Variants in ZPBP2 observed in about 807,000 individuals in gnomAD.
ZPBP2 encodes zona pellucida binding protein 2.
In ZPBP2, 34 loss-of-function variants were observed where a neutral mutation model predicts 37.5. The observed-to-expected ratio is 0.91, with a 90% CI of 0.69 to 1.21. The LOEUF is 1.21. Among genes scored for constraint, ZPBP2 ranks in the 50% most tolerant of loss-of-function variants. The pLI is 0.00. For synonymous variants in ZPBP2, 143 were observed against 138.4 expected (o/e 1.03, Z -0.23); for missense variants, 397 against 413.5 (o/e 0.96, Z 0.35).
intron 2 of ZPBP2, among the ~76,000 whole-genome samples, 173 bp downstream of exon 2, chr17:39,868,787 T>C (rs1299542170): frequency 6.6e-6 from 1 of 152,130 alleles, no homozygotes. Flanking sequence ...CTTACAGCGA[T>C]CCCTATTGTG....
chr17:39,876,890 A>G lies in ZPBP2; in HGVS notation c.*81A>G. 6.4e-7 allele frequency: 1 copy of G among 1,553,526 alleles called. No individual in the cohort carries two copies. Among genetic ancestry groups the G allele is most frequent in the Non-Finnish European group, 8.8e-7 (1 of 1,137,846 alleles). The stretch of plus-strand genomic sequence containing the variant: ...ATCCCAGAGCATCATAGATAGTTCC[A>G]TTAAGTAAAATCAGTAAGACCAAAC... On this transcript the variant is annotated 3_prime_UTR_variant, in exon 8 of 8. Transcript: ENST00000348931.
In ZPBP2 at chr17:39,875,336, A is replaced by G; in HGVS notation, c.791A>G (p.His264Arg). The G allele has an allele frequency of 6.2e-7, 1 of 1,614,054 alleles. No homozygotes were observed. The highest frequency in any genetic ancestry group is 8.5e-7 in the Non-Finnish European group (1 of 1,179,972). ...TTTAATAAAACTCTACCAGCAATGC[A>G]TTTTGTGGACCACAGTTTGCAAGTA... is the stretch of plus-strand genomic sequence containing the variant. ...HNFNKTLPAM[H>R]FVDHSLQVVR... The change falls in exon 7 of 8, where the codon CAT (histidine) becomes CGT (arginine). Residue 264 changes from histidine (H) to arginine (R), a missense_variant. By Grantham distance (29) the His-to-Arg change is conservative. Transcript: ENST00000348931.
At chr17:39,875,220 A>T in intron 6 of ZPBP2, 34 bp from the exon 7 acceptor site, 1 of 1,589,826 alleles carries the variant, frequency 6.3e-7, no homozygotes, top group Non-Finnish European at 8.6e-7. Context: ...ATGGTTTAGT[A>T]ATTGTACCTT....
chr17:39,870,796 G>A lies in ZPBP2; in HGVS notation c.221G>A (p.Gly74Glu). 1 of 1,550,356 alleles carries A rather than the reference G, an allele frequency of 6.5e-7. No homozygotes were observed. The highest frequency in any genetic ancestry group is 8.8e-7 in the Non-Finnish European group (1 of 1,141,436). ...GTGGACCCCACCTACTTATGGATTG[G>A]GCCTAATGAAAAGACGTTAACAGGT... ...EIVDPTYLWI[G>E]PNEKTLTGNN... Residue 74 changes from glycine (G) to glutamate (E), a missense_variant, in exon 3 of 8, where the codon GGG (glycine) becomes GAG (glutamate). Physicochemically the swap from Gly to Glu is moderately conservative, Grantham distance 98. Coordinates refer to ENST00000348931, the MANE Select transcript of ZPBP2 (RefSeq NM_199321.3).
rs1245176789 is a variant in ZPBP2, at chr17:39,872,954, T to G, written c.626-90T>G. 6.4e-6 allele frequency: 7 copies of G among 1,088,418 alleles called. No homozygotes were observed. The Admixed American group carries it at 1.4e-4, about 22-fold the overall frequency. 67.4% of individuals were successfully genotyped at this position (1,088,418 alleles called of 1,614,324 possible). On this transcript the variant is annotated intron_variant, in intron 5 of 7. Transcript: ENST00000348931. The stretch of plus-strand genomic sequence containing the variant: ...TAGCTGGACTAAACATGTGCCTGCA[T>G]GCACATGGAATTCAGCACTTGGACC...
intron 5 of ZPBP2, 104 bp downstream of exon 5, chr17:39,872,592 C>A: frequency 1.3e-6 from 1 of 796,086 alleles, no homozygotes. Context: ...ATAGGTCTTA[C>A]ATGTTTGTTA....
In ZPBP2 at chr17:39,869,146, A is replaced by T. The variant is rs530229232; in HGVS notation, c.118+532A>T. ...GTTTGAGTTCTCTCCCCGACCCCCAACCAAATTGTAGGACGTTGTCTTTAT... is the reference window on the plus strand; with the variant it reads ...GTTTGAGTTCTCTCCCCGACCCCCATCCAAATTGTAGGACGTTGTCTTTAT... On this transcript the variant is annotated intron_variant, in intron 2 of 7. Transcript: ENST00000348931. 1.1e-4 allele frequency among the ~76,000 whole-genome samples: 17 copies of T among 152,168 alleles called. No homozygotes were observed. In the South Asian group the frequency reaches 3.5e-3, roughly 32 times the overall value.
intron 6 of ZPBP2, among the ~76,000 whole-genome samples, chr17:39,873,981 CT>C (rs1037217858): frequency 0.053 from 6,252 of 117,248 alleles, 51 homozygotes; most frequent in Non-Finnish European, 0.081. Context: ...AAAGAAAAGT[CT>C]TTTTTTTTTT....
chr17:39,876,704 T>C lies in ZPBP2; in HGVS notation c.912T>C (p.Phe304=), dbSNP rs771371586. Residue 304 remains phenylalanine (F), a synonymous_variant, in exon 8 of 8, where the codon TTT becomes TTC. Coordinates refer to ENST00000348931, the MANE Select transcript of ZPBP2 (RefSeq NM_199321.3). The part of the protein sequence containing the change: ...SCCVVCSPAT[F]SPDVNVTCQT... ...CAGTGGTTTGTAGTCCTGCGACTTT[T>C]AGTCCTGATGTTAATGTAACTTGTC... 2 of 1,613,936 alleles carry C rather than the reference T, an allele frequency of 1.2e-6. No homozygotes were observed. The highest frequency in any genetic ancestry group is 4.5e-5 in the East Asian group (2 of 44,834).
intron 3 of ZPBP2, 22 bp downstream of exon 3, chr17:39,870,841 A>G: frequency 1.4e-6 from 2 of 1,468,522 alleles, no homozygotes; most frequent in East Asian, 2.3e-5. Flanking sequence ...TTTAATATGT[A>G]CTTTTTTAAT....
intron 6 of ZPBP2, among the ~76,000 whole-genome samples, chr17:39,873,462 T>C (rs1008989375): frequency 2.0e-5 from 3 of 152,128 alleles, no homozygotes; most frequent in Admixed American, 2.0e-4. Flanking sequence ...ATTTTTTAAG[T>C]ATTATTGATT....
chr17:39,875,893 T>C (rs1290522004), intron 7 of ZPBP2, among the ~76,000 whole-genome samples: 4 of 105,804 alleles, frequency 3.8e-5, no homozygotes, highest in Admixed American at 9.5e-5. Context: ...CTTTTTTTTT[T>C]TTTTTTTTTT....
At chr17:39,873,986 T>C (rs897298284) in intron 6 of ZPBP2, among the ~76,000 whole-genome samples, 2 of 147,270 alleles carry the variant, frequency 1.4e-5, no homozygotes, top group Non-Finnish European at 3.0e-5. Flanking sequence ...AAAGTCTTTT[T>C]TTTTTTTTTT....
In ZPBP2 at chr17:39,868,426, G is replaced by A. The variant is rs752286479; in HGVS notation, c.52+20G>A. 2 of 1,611,222 alleles carry A rather than the reference G, an allele frequency of 1.2e-6. No homozygotes were observed. Among genetic ancestry groups the A allele is most frequent in the Admixed American group, 3.3e-5 (2 of 60,016 alleles). Reference sequence around the variant, plus strand: ...CAGGAGGTGGGGCTCCCTCCACCCGGTCCCCAGGCCTCTCCCTCTGCCCGA... The same window carrying A: ...CAGGAGGTGGGGCTCCCTCCACCCGATCCCCAGGCCTCTCCCTCTGCCCGA... On this transcript the variant is annotated intron_variant, in intron 1 of 7. Transcript: ENST00000348931.
In ZPBP2 at chr17:39,870,626, G is replaced by A. The variant is rs1283922601; in HGVS notation, c.119-68G>A. On this transcript the variant is annotated intron_variant, in intron 2 of 7. Coordinates refer to ENST00000348931, the MANE Select transcript of ZPBP2 (RefSeq NM_199321.3). The stretch of plus-strand genomic sequence containing the variant: ...TAATTCGTGTCTTCAGCACAAAATG[G>A]TAGGAGTATATTTCTTAATTTAATT... 3.2e-6 allele frequency: 3 copies of A among 936,970 alleles called. No individual in the cohort carries two copies. The African/African-American group carries it at 5.2e-5, about 16-fold the overall frequency. 58.0% of individuals were successfully genotyped at this position (936,970 alleles called of 1,614,324 possible). A position where few individuals can be genotyped will look rare whatever the true frequency, so the allele number is the denominator to read the frequency against.
chr17:39,876,931 A>G lies in ZPBP2; in HGVS notation c.*122A>G. 2 of 1,275,454 alleles carry G rather than the reference A, an allele frequency of 1.6e-6. No homozygotes were observed. The highest frequency in any genetic ancestry group is 2.2e-6 in the Non-Finnish European group (2 of 921,668). The allele number at this position is 1,275,454 out of a possible 1,614,324, so 79.0% of individuals were successfully genotyped here. On this transcript the variant is annotated 3_prime_UTR_variant, in exon 8 of 8. Transcript: ENST00000348931. ...AAGACCAAACCACTGGAAAACATGC[A>G]TTTTGGAAACTTTAAAATAAATGGT...
chr17:39,874,622 G>A (rs538881723), intron 6 of ZPBP2, among the ~76,000 whole-genome samples: 2 of 151,880 alleles, frequency 1.3e-5, no homozygotes, highest in East Asian at 2.0e-4. Context: ...TATTAGAGAC[G>A]AGGTTTCACC....
chr17:39,875,120 A>G (rs558780937), intron 6 of ZPBP2, 134 bp from the exon 7 acceptor site: 2 of 770,904 alleles, frequency 2.6e-6, no homozygotes, highest in African/African-American at 1.8e-5. Context: ...TTTTGGTGTT[A>G]ACACACACCT....
At chr17:39,876,379 A>T (rs2063390731) in intron 7 of ZPBP2, among the ~76,000 whole-genome samples, 1 of 152,186 alleles carries the variant, frequency 6.6e-6, no homozygotes. Context: ...AGGAAATAGG[A>T]ACTAGAAAAC....
Sources: allele counts gnomAD v4.1 joint callset (sites outside exome capture counted in the v4.1 genomes callset), GRCh38; gene constraint gnomAD v4.1.1; transcripts MANE v1.5; gene names NCBI Gene and HGNC (gene_info 2026-07-23, HGNC 2026-07-21).